The following CFAP61 variants were observed in gnomAD, a reference collection of about 807,000 sequenced individuals.
The protein encoded by CFAP61 is cilia- and flagella-associated protein 61.
Under a neutral mutation model 135.6 loss-of-function variants are expected in CFAP61, and 107 were observed. The observed-to-expected ratio is 0.79, with a 90% confidence interval of 0.67 to 0.93. CFAP61 has a LOEUF of 0.93. Ranked by LOEUF, CFAP61 falls within the 40% of genes least tolerant of loss-of-function variation. The pLI, the probability that CFAP61 is intolerant of heterozygous loss-of-function variation, is 0.00. For missense variants in CFAP61, 1,507 were observed against 1,556.2 expected, an observed-to-expected ratio of 0.97 and a Z score of 0.53; for synonymous variants, 575 against 578.5, an observed-to-expected ratio of 0.99 and a Z score of 0.09.
chr20:20,107,208 A>G (rs2048470496), intron 8 of CFAP61, among the ~76,000 whole-genome samples: 1 of 152,250 alleles, frequency 6.6e-6, no homozygotes, highest in African/African-American at 2.4e-5. Context: ...GGAAGCAATT[A>G]CTGAAAAGCA....
At chr20:20,282,806 G>C (rs1383488777) in intron 22 of CFAP61, among the ~76,000 whole-genome samples, 1 of 152,120 alleles carries the variant, frequency 6.6e-6, no homozygotes, top group Non-Finnish European at 1.5e-5. Context: ...AGGCATGGTG[G>C]TACATGCCTG....
At chr20:20,293,506 G>A (rs373203283) in intron 24 of CFAP61, among the ~76,000 whole-genome samples, 8 of 152,262 alleles carry the variant, frequency 5.3e-5, no homozygotes, top group South Asian at 2.1e-4. Context: ...AAGTGAAATC[G>A]TTGCCAAAAT....
chr20:20,283,181 C>T (rs1050267394), intron 22 of CFAP61, among the ~76,000 whole-genome samples: 21 of 152,004 alleles, frequency 1.4e-4, no homozygotes, highest in Admixed American at 1.3e-3. Flanking sequence ...TCTGTTTTTC[C>T]TTTTAATTCT....
chr20:20,285,163 A>G (rs2054489338), intron 22 of CFAP61, among the ~76,000 whole-genome samples: 4 of 152,212 alleles, frequency 2.6e-5, no homozygotes, highest in African/African-American at 9.6e-5. Flanking sequence ...ATCATTTAAA[A>G]CATTCCTCTA....
intron 2 of CFAP61, among the ~76,000 whole-genome samples, chr20:20,067,554 A>G (rs1203010500): frequency 6.6e-6 from 1 of 150,818 alleles, no homozygotes; most frequent in Non-Finnish European, 1.5e-5. Context: ...AGGCAGGAGA[A>G]TCACTTGAAC....
intron 25 of CFAP61, among the ~76,000 whole-genome samples, chr20:20,298,767 G>A (rs947808155): frequency 2.6e-5 from 4 of 152,196 alleles, no homozygotes; most frequent in African/African-American, 9.6e-5. Flanking sequence ...ATGGGACTCC[G>A]CGATCATGGG....
intron 2 of CFAP61, among the ~76,000 whole-genome samples, chr20:20,063,307 A>G (rs902204313): frequency 8.5e-5 from 13 of 152,230 alleles, no homozygotes; most frequent in Non-Finnish European, 8.8e-5. Flanking sequence ...CCAATCTCAC[A>G]TAGAAAGAGA....
chr20:20,207,281 T>C (rs1037969617), intron 17 of CFAP61, among the ~76,000 whole-genome samples: 3 of 152,158 alleles, frequency 2.0e-5, no homozygotes, highest in Admixed American at 1.3e-4. Context: ...CCTTTAGTAA[T>C]ATTATTGCTG....
chr20:20,206,101 G>A (rs1439690853), intron 17 of CFAP61, among the ~76,000 whole-genome samples: 3 of 152,122 alleles, frequency 2.0e-5, no homozygotes, highest in Non-Finnish European at 4.4e-5. Context: ...GCAAGATGAG[G>A]CTGTAAGGAT....
At chr20:20,302,731 G>A (rs543090165) in intron 25 of CFAP61, among the ~76,000 whole-genome samples, 21 of 152,264 alleles carry the variant, frequency 1.4e-4, no homozygotes, top group African/African-American at 5.1e-4. Context: ...TAATTTGAAA[G>A]GGAAAGTGTT....
chr20:20,099,503 TG>T (rs1216914085), intron 8 of CFAP61, among the ~76,000 whole-genome samples: 1 of 152,092 alleles, frequency 6.6e-6, no homozygotes, highest in Non-Finnish European at 1.5e-5. Context: ...CAAGTTACCA[TG>T]GGTACATCAA....
intron 21 of CFAP61, among the ~76,000 whole-genome samples, chr20:20,270,407 A>G (rs1456480584): frequency 6.6e-6 from 1 of 152,250 alleles, no homozygotes; most frequent in East Asian, 1.9e-4. Context: ...ATGACTTTTT[A>G]GCATCTACTA....
Position 20,070,731 on chromosome 20 carries a change from CA to C in CFAP61, c.144-120del. On this transcript the variant is annotated intron_variant, in intron 2 of 26. Transcript: ENST00000245957. The stretch of plus-strand genomic sequence containing the variant: ...GCTGCAATATCATTCTCACCTTTTC[CA>C]AAGATTATCTGACCTCATGCAGTGG... 3.7e-6 allele frequency: 3 copies of C among 812,700 alleles called. No individual in the cohort carries two copies. In the South Asian group the frequency reaches 5.5e-5, roughly 15 times the overall value. 50.3% of individuals were successfully genotyped at this position (812,700 alleles called of 1,614,324 possible).
intron 2 of CFAP61, among the ~76,000 whole-genome samples, chr20:20,068,320 C>T (rs1192614144): frequency 6.6e-6 from 1 of 152,198 alleles, no homozygotes; most frequent in African/African-American, 2.4e-5. Context: ...GGTCATGACT[C>T]TGGGAGTCTG....
chr20:20,327,011 T>C (rs2057774389), intron 25 of CFAP61, among the ~76,000 whole-genome samples: 1 of 152,120 alleles, frequency 6.6e-6, no homozygotes, highest in Non-Finnish European at 1.5e-5. Flanking sequence ...AGTATTTTTA[T>C]AGTTTTGTTG....
chr20:20,125,677 G>A (rs575393744), intron 8 of CFAP61, among the ~76,000 whole-genome samples: 1 of 151,902 alleles, frequency 6.6e-6, no homozygotes, highest in East Asian at 1.9e-4. Context: ...CTATTGAATA[G>A]AATGTGCATT....
At chr20:20,115,363 A>G (rs1198645463) in intron 8 of CFAP61, among the ~76,000 whole-genome samples, 4 of 144,526 alleles carry the variant, frequency 2.8e-5, no homozygotes, top group Non-Finnish European at 6.2e-5. Flanking sequence ...ATATATTCAT[A>G]TAATTTCTAA....
At chr20:20,108,660 C>T (rs890840363) in intron 8 of CFAP61, among the ~76,000 whole-genome samples, 1 of 152,142 alleles carries the variant, frequency 6.6e-6, no homozygotes, top group Non-Finnish European at 1.5e-5. Context: ...TAGAGCAACG[C>T]TTTTATTTCC....
chr20:20,211,541 A>G (rs932540445), intron 17 of CFAP61, among the ~76,000 whole-genome samples: 11 of 152,224 alleles, frequency 7.2e-5, no homozygotes, highest in African/African-American at 2.4e-4. Context: ...AGGTATGAAA[A>G]TAGCATGGGA....
Sources: gnomAD v4.1 joint callset for allele counts (sites outside exome capture counted in the v4.1 genomes callset) on GRCh38, gnomAD v4.1.1 for gene constraint, MANE v1.5 for transcripts, NCBI Gene and HGNC (gene_info 2026-07-23, HGNC 2026-07-21) for gene names.